The following DDX1 variants were observed in gnomAD, a reference collection of about 807,000 sequenced individuals.
The protein encoded by DDX1 is ATP-dependent RNA helicase DDX1.
DDX1 carries 28 observed loss-of-function variants against 108.7 expected under a neutral mutation model. That is an observed-to-expected ratio of 0.26 (90% CI 0.19 to 0.35). The LOEUF is 0.35. Ranked by LOEUF, DDX1 falls within the 10% of genes least tolerant of loss-of-function variation. The pLI is 1.00. For missense variants in DDX1, 710 were observed against 884.5 expected, an observed-to-expected ratio of 0.80 and a Z score of 2.50; for synonymous variants, 295 against 288.9, an observed-to-expected ratio of 1.02 and a Z score of -0.21.
chr2:15,597,370 G>A lies in DDX1; in HGVS notation c.163-5G>A, dbSNP rs774912424. 5 of 1,567,878 alleles carry A rather than the reference G, an allele frequency of 3.2e-6. No homozygotes were observed. Among genetic ancestry groups the A allele is most frequent in the Admixed American group, 1.9e-5 (1 of 52,742 alleles). On this transcript the variant is annotated splice_polypyrimidine_tract_variant and splice_region_variant and intron_variant, in intron 4 of 25. Coordinates refer to ENST00000233084, the MANE Select transcript of DDX1 (RefSeq NM_004939.3). ...TAATATAGATACCTTTTGTTTCTTTGATAGGCTTTTAGTATTCCAGTTATC... is the reference window on the plus strand; with the variant it reads ...TAATATAGATACCTTTTGTTTCTTTAATAGGCTTTTAGTATTCCAGTTATC...
chr2:15,591,875 C>T lies in DDX1; in HGVS notation c.-59C>T, dbSNP rs1323863813. On this transcript the variant is annotated 5_prime_UTR_variant, in exon 1 of 26. The change creates a new upstream start codon in the 5' untranslated region. Coordinates refer to ENST00000233084, the MANE Select transcript of DDX1 (RefSeq NM_004939.3). The stretch of plus-strand genomic sequence containing the variant: ...CCGGAAGCGCGCGCCGCCACTGCCA[C>T]GCCGTGTCAGTCGGGAGGGAGGGAG... 3 of 1,464,076 alleles carry T rather than the reference C, an allele frequency of 2.0e-6. No individual in the cohort carries two copies. The East Asian group carries it at 9.0e-5, about 44-fold the overall frequency. The allele number at this position is 1,464,076 out of a possible 1,614,324, so 90.7% of individuals were successfully genotyped here.
intron 13 of DDX1, among the ~76,000 whole-genome samples, chr2:15,612,564 GGGC>G (rs1281680929): frequency 6.6e-6 from 1 of 151,388 alleles, no homozygotes; most frequent in African/African-American, 2.4e-5. Flanking sequence ...CCCAGATGAT[GGGC>G]GGCCAGGCAG....
intron 13 of DDX1, among the ~76,000 whole-genome samples, chr2:15,608,662 G>A (rs1479296498): frequency 1.9e-3 from 194 of 100,090 alleles, no homozygotes; most frequent in Middle Eastern, 0.01. Context: ...TTTTTTTTTA[G>A]GTTTTTTTTT....
Position 15,612,132 on chromosome 2 carries a change from G to C in DDX1, c.957-1092G>C, listed in dbSNP as rs1165050540. On this transcript the variant is annotated intron_variant, in intron 13 of 25. Transcript: ENST00000233084. ...TCCCGGACGGGGCGGCTGGCCGGGCGGGGGGCTGACCCCCCCCACCTCCCT... is the reference window on the plus strand; with the variant it reads ...TCCCGGACGGGGCGGCTGGCCGGGCCGGGGGCTGACCCCCCCCACCTCCCT... Among the ~76,000 whole-genome samples, 213 of 145,984 alleles carry C rather than the reference G, an allele frequency of 1.5e-3. 5 individuals are homozygous for C. Among genetic ancestry groups the C allele is most frequent in the African/African-American group, 5.3e-3 (207 of 39,350 alleles).
Position 15,628,374 on chromosome 2 carries a change from G to A in DDX1, c.1687-71G>A, listed in dbSNP as rs995356616. On this transcript the variant is annotated intron_variant, in intron 20 of 25. Transcript: ENST00000233084. ...TTTTTAGAGGTCTCATTTAGTGGAA[G>A]GATAGCATTTGTTTTTATTGTTTAG... The A allele has an allele frequency of 1.4e-5, 16 of 1,155,530 alleles. No homozygotes were observed. In the Admixed American group the frequency reaches 2.9e-4, roughly 21 times the overall value. The allele number at this position is 1,155,530 out of a possible 1,614,324, so 71.6% of individuals were successfully genotyped here.
At position 15,616,926 on chromosome 2, in the gene DDX1, C is replaced by T. The variant is rs535700375; in HGVS notation, c.1018-318C>T. Among the ~76,000 whole-genome samples the T allele has an allele frequency of 1.6e-4, 25 of 152,292 alleles. 1 individual carries two copies. Among genetic ancestry groups the T allele is most frequent in the African/African-American group, 6.0e-4 (25 of 41,560 alleles). ...GAGCAGAGTAGTGGTGGAACTGGGACTTGAACTCTAGGTTCCGTTGAGTTC... is the reference window on the plus strand; with the variant it reads ...GAGCAGAGTAGTGGTGGAACTGGGATTTGAACTCTAGGTTCCGTTGAGTTC... On this transcript the variant is annotated intron_variant, in intron 14 of 25. Transcript: ENST00000233084.
At chr2:15,609,694 TTATAGGGATAAATATA>T (rs1665722781) in intron 13 of DDX1, among the ~76,000 whole-genome samples, 1 of 152,174 alleles carries the variant, frequency 6.6e-6, no homozygotes, top group South Asian at 2.1e-4. Context: ...TCTGCCAAGT[TTATAGGGATAAATATA>T]TCTGATTATA....
chr2:15,628,612 T>C, intron 21 of DDX1, 26 bp from the exon 22 acceptor site: 1 of 1,601,432 alleles, frequency 6.2e-7, no homozygotes, highest in South Asian at 1.1e-5. Context: ...CTACTGGCAA[T>C]TGTTAATAAT....
intron 1 of DDX1, among the ~76,000 whole-genome samples, chr2:15,593,693 T>C (rs1354250023): frequency 6.6e-6 from 1 of 152,282 alleles, no homozygotes; most frequent in East Asian, 1.9e-4. Flanking sequence ...TAGACTGTAA[T>C]ACAGGTTAAT....
In DDX1 at chr2:15,595,212, C is replaced by T. The variant is rs754569927; in HGVS notation, c.68+16C>T. ...TGGATTGGCTGTAAGTACATAAAGC[C>T]TAAATGTACCTGGGAGAGGATGTTT... On this transcript the variant is annotated intron_variant, in intron 2 of 25. Coordinates refer to ENST00000233084, the MANE Select transcript of DDX1 (RefSeq NM_004939.3). 1 of 1,584,052 alleles carries T rather than the reference C, an allele frequency of 6.3e-7. No homozygotes were observed. The highest frequency in any genetic ancestry group is 1.1e-5 in the South Asian group (1 of 88,260).
chr2:15,603,810 C>T lies in DDX1; in HGVS notation c.476-4C>T. 1 of 1,586,974 alleles carries T rather than the reference C, an allele frequency of 6.3e-7. No homozygotes were observed. The highest frequency in any genetic ancestry group is 1.2e-5 in the South Asian group (1 of 86,758). On this transcript the variant is annotated splice_region_variant and splice_polypyrimidine_tract_variant and intron_variant, in intron 8 of 25. Transcript: ENST00000233084. ...CAGAAAAGTAAAATATTTTTTAAAT[C>T]TAGGTACTGACAAGTTTGGATTTGG...
At chr2:15,608,663 G>GTTTTTTTTTTTTTTTTTTTTTTT (rs569566545) in intron 13 of DDX1, among the ~76,000 whole-genome samples, 3 of 106,728 alleles carry the variant, frequency 2.8e-5, no homozygotes, top group Non-Finnish European at 5.3e-5. Flanking sequence ...TTTTTTTTAG[G>GTTTTTTTTTTTTTTTTTTTTTTT]TTTTTTTTTT....
chr2:15,607,077 G>A, intron 12 of DDX1, 98 bp from the exon 13 acceptor site: 1 of 1,126,040 alleles, frequency 8.9e-7, no homozygotes, highest in East Asian at 2.4e-5. Context: ...CAATTATTAT[G>A]TAAAATGTTG....
chr2:15,623,415 GT>G lies in DDX1; in HGVS notation c.1448-19del. On this transcript the variant is annotated intron_variant, in intron 18 of 25. Transcript: ENST00000233084. ...TCAGATTGAAATTCTGTTGGTTTTT[GT>G]TGTTGTTATGATATTCAAGAGATGT... 1 of 1,610,774 alleles carries G rather than the reference GT, an allele frequency of 6.2e-7. No homozygotes were observed. The highest frequency in any genetic ancestry group is 1.3e-5 in the African/African-American group (1 of 74,942).
intron 24 of DDX1, 75 bp downstream of exon 24, chr2:15,629,772 A>G (rs1666163170): frequency 8.1e-6 from 10 of 1,229,736 alleles, no homozygotes; most frequent in Admixed American, 2.8e-5. Context: ...CAAAAATTAT[A>G]TCTTGGCTTT....
chr2:15,624,107 A>G (rs909450552), intron 19 of DDX1, among the ~76,000 whole-genome samples: 2 of 152,202 alleles, frequency 1.3e-5, no homozygotes, highest in African/African-American at 4.8e-5. Flanking sequence ...GGACTGGATG[A>G]AATCTAGCAA....
chr2:15,596,289 G>A (rs1239874784), intron 3 of DDX1, among the ~76,000 whole-genome samples: 1 of 152,190 alleles, frequency 6.6e-6, no homozygotes, highest in African/African-American at 2.4e-5. Context: ...TTGGTTGGTA[G>A]CATAAAATAT....
intron 7 of DDX1, 62 bp downstream of exon 7, chr2:15,602,693 T>C: frequency 8.0e-7 from 1 of 1,252,726 alleles, no homozygotes. Flanking sequence ...ACGTGAGGGT[T>C]TTTTTGTTGT....
intron 16 of DDX1, among the ~76,000 whole-genome samples, chr2:15,619,672 C>G (rs914201637): frequency 6.6e-6 from 1 of 152,194 alleles, no homozygotes; most frequent in South Asian, 2.1e-4. Flanking sequence ...AGGTAACAGT[C>G]TTAAAAGCTG....
Sources: allele counts gnomAD v4.1 joint callset (sites outside exome capture counted in the v4.1 genomes callset), GRCh38; gene constraint gnomAD v4.1.1; transcripts MANE v1.5; gene names NCBI Gene and HGNC (gene_info 2026-07-23, HGNC 2026-07-21).